The following ATP1B4 variants were observed in gnomAD, a reference collection of about 807,000 sequenced individuals.
The protein encoded by ATP1B4 is protein ATP1B4.
Under a neutral mutation model 29.6 loss-of-function variants are expected in ATP1B4, and 32 were observed. That is an observed-to-expected ratio of 1.08 (90% CI 0.82 to 1.45). ATP1B4 has a LOEUF of 1.45. Among genes scored for constraint, ATP1B4 ranks in the 40% most tolerant of loss-of-function variants. ATP1B4 has a pLI of 0.00. For synonymous variants in ATP1B4, 127 were observed against 102.1 expected (o/e 1.24, Z -1.47); for missense variants, 323 against 276.2 (o/e 1.17, Z -1.20).
chrX:120,375,477 A>T lies in ATP1B4; in HGVS notation c.668A>T (p.Lys223Met). 1 of 1,209,155 alleles carries T rather than the reference A, an allele frequency of 8.3e-7. No homozygotes were observed. Among genetic ancestry groups the T allele is most frequent in the East Asian group, 3.0e-5 (1 of 33,732 alleles). ...GAGGACAAGAAGGCCTGCCAATTTA[A>T]GCGCTCCTTCCTAAAGAACTGCTCT... ...EDEDKKACQFKRSFLKNCSGL... is the reference protein window; with the variant it reads ...EDEDKKACQFMRSFLKNCSGL... The change falls in exon 5 of 8, where the codon AAG becomes ATG. Residue 223 changes from lysine to methionine, a missense_variant. Transcript: ENST00000218008.
At chrX:120,375,854 G>A (rs1429676881) in intron 5 of ATP1B4, among the ~76,000 whole-genome samples, 2 of 110,340 alleles carry the variant, frequency 1.8e-5, no homozygotes, top group Non-Finnish European at 3.8e-5. Flanking sequence ...TATAATCCAA[G>A]CTACTCGGGA....
intron 3 of ATP1B4, 110 bp from the exon 4 acceptor site, chrX:120,370,996 A>G: frequency 9.7e-7 from 1 of 1,029,518 alleles, no homozygotes; most frequent in Non-Finnish European, 1.3e-6. Flanking sequence ...TTGGCAAATT[A>G]TGGTTCTTTT....
chrX:120,366,614 GGAGGAGGAGGAAGAA>G lies in ATP1B4; in HGVS notation c.163_177del (p.Glu55_Glu59del), dbSNP rs753840446. 2.8e-5 allele frequency: 33 copies of G among 1,199,690 alleles called. No homozygotes were observed. Among genetic ancestry groups the G allele is most frequent in the East Asian group, 5.9e-5 (2 of 33,687 alleles). ...CTCGGGTGACGGTGGTGCCCAAATC[GGAGGAGGAGGAAGAA>G]GAGGAGGAGAAAGAAGAGGAGGAAG... On this transcript the variant is annotated inframe_deletion, in exon 2 of 8. Transcript: ENST00000218008.
At position 120,371,229 on chromosome X, in the gene ATP1B4, A is replaced by G; in HGVS notation, c.562+19A>G. ...CTCCAGGGTAAGTAAGTTCGTCTGA[A>G]TAGTGGAAAGCTCTTTTGAAAGGTG... On this transcript the variant is annotated intron_variant, in intron 4 of 7. Transcript: ENST00000218008. 1 of 1,148,638 alleles carries G rather than the reference A, an allele frequency of 8.7e-7. No homozygotes were observed. The highest frequency in any genetic ancestry group is 1.2e-6 in the Non-Finnish European group (1 of 838,752). The allele number at this position is 1,148,638 out of a possible 1,213,427, so 94.7% of individuals were successfully genotyped here.
Position 120,377,003 on chromosome X carries a change from C to G in ATP1B4, c.816+567C>G, listed in dbSNP as rs751711649. 2.7e-5 allele frequency among the ~76,000 whole-genome samples: 3 copies of G among 112,001 alleles called. No individual in the cohort carries two copies. In the East Asian group the frequency reaches 8.4e-4, roughly 31 times the overall value. ...TATCTCATCTGCACCAATTAGCTCCCTTGTAGGAAAAAGCCCTTAGATCTT... is the reference window on the plus strand; with the variant it reads ...TATCTCATCTGCACCAATTAGCTCCGTTGTAGGAAAAAGCCCTTAGATCTT... On this transcript the variant is annotated intron_variant, in intron 6 of 7. Coordinates refer to ENST00000218008, the MANE Select transcript of ATP1B4 (RefSeq NM_001142447.3).
At chrX:120,370,912 A>T in intron 3 of ATP1B4, 69 bp downstream of exon 3, 1 of 1,149,096 alleles carries the variant, frequency 8.7e-7, no homozygotes. Context: ...CAGCATGTTC[A>T]GCCTCAATTA....
intron 6 of ATP1B4, among the ~76,000 whole-genome samples, chrX:120,378,289 G>T (rs2058366242): frequency 1.8e-5 from 2 of 111,618 alleles, no homozygotes; most frequent in African/African-American, 6.5e-5. Context: ...CCAAGACTGG[G>T]TGCCAGGCCC....
At chrX:120,364,329 C>G (rs1318728702) in intron 1 of ATP1B4, among the ~76,000 whole-genome samples, 1 of 111,898 alleles carries the variant, frequency 8.9e-6, no homozygotes, top group Non-Finnish European at 1.9e-5. Context: ...AGTAGATTCT[C>G]TGGGGGCCAT....
At chrX:120,374,297 CA>C (rs1255747137) in intron 4 of ATP1B4, among the ~76,000 whole-genome samples, 5 of 107,685 alleles carry the variant, frequency 4.6e-5, no homozygotes, top group Non-Finnish European at 7.7e-5. Context: ...CCTCTGGATC[CA>C]TTGCCAGGTC....
intron 5 of ATP1B4, among the ~76,000 whole-genome samples, chrX:120,375,898 T>A (rs994497537): frequency 9.1e-6 from 1 of 110,385 alleles, no homozygotes; most frequent in Non-Finnish European, 1.9e-5. Flanking sequence ...AGCTTAGGAG[T>A]TCAAGTTTAA....
At chrX:120,362,270 C>A in intron 1 of ATP1B4, 39 bp downstream of exon 1, 1 of 1,149,469 alleles carries the variant, frequency 8.7e-7, no homozygotes, top group Non-Finnish European at 1.2e-6. Context: ...TGCCCCCTCC[C>A]CTTTTATTTT....
intron 7 of ATP1B4, 34 bp downstream of exon 7, chrX:120,378,807 A>G: frequency 8.8e-7 from 1 of 1,134,625 alleles, no homozygotes. Flanking sequence ...TTGCTGTCAG[A>G]AAGGGCTCAG....
intron 1 of ATP1B4, among the ~76,000 whole-genome samples, chrX:120,363,652 TA>T (rs2058273091): frequency 8.9e-6 from 1 of 112,041 alleles, no homozygotes. Context: ...TATATTTGTT[TA>T]TATGTTTATA....
At position 120,362,290 on chromosome X, in the gene ATP1B4, G is replaced by A; in HGVS notation, c.63+59G>A. The A allele has an allele frequency of 4.7e-6, 5 of 1,070,807 alleles. No individual in the cohort carries two copies. The South Asian group carries it at 9.3e-5, about 20-fold the overall frequency. 88.2% of individuals were successfully genotyped at this position (1,070,807 alleles called of 1,213,427 possible). A position where few individuals can be genotyped will look rare whatever the true frequency, so the allele number is the denominator to read the frequency against. On this transcript the variant is annotated intron_variant, in intron 1 of 7. Coordinates refer to ENST00000218008, the MANE Select transcript of ATP1B4 (RefSeq NM_001142447.3). ...CCTCCCCTTTTATTTTAATGGGGTG[G>A]GTTGGGGGCTGTGTAGACCTTGGTT...
In ATP1B4 at chrX:120,379,574, T is replaced by C. The variant is rs755721136; in HGVS notation, c.1014T>C (p.Asn338=). 14 of 1,209,610 alleles carry C rather than the reference T, an allele frequency of 1.2e-5. No homozygotes were observed. The East Asian group carries it at 4.2e-4, about 36-fold the overall frequency. ...QCQLKGKGVI[N]DVINDRFVGR... ...AACTGAAGGGCAAAGGCGTCATAAA[T>C]GATGTCATCAATGATCGTTTTGTGG... Residue 338 remains asparagine, a synonymous_variant, in exon 8 of 8, where the codon AAT becomes AAC. Coordinates refer to ENST00000218008, the MANE Select transcript of ATP1B4 (RefSeq NM_001142447.3).
intron 6 of ATP1B4, among the ~76,000 whole-genome samples, chrX:120,378,215 G>A (rs1478225250): frequency 8.9e-6 from 1 of 111,737 alleles, no homozygotes; most frequent in African/African-American, 3.3e-5. Context: ...AGCCTGCAGT[G>A]TGCAAATCGT....
intron 5 of ATP1B4, among the ~76,000 whole-genome samples, chrX:120,375,913 G>A (rs1892517500): frequency 9.0e-6 from 1 of 110,620 alleles, no homozygotes; most frequent in Non-Finnish European, 1.9e-5. Context: ...GTTTAACTTG[G>A]GCAACATAGT....
In ATP1B4 at chrX:120,366,801, T is replaced by C. The variant is rs368701408; in HGVS notation, c.328+12T>C. 5.8e-6 allele frequency: 7 copies of C among 1,200,180 alleles called. No homozygotes were observed. In the African/African-American group the frequency reaches 1.2e-4, roughly 21 times the overall value. ...AGGTCAGAGTTGGAGTAAGTCCCAA[T>C]AGTCCCAATGCCAAAGTCTGGTGTC... On this transcript the variant is annotated intron_variant, in intron 2 of 7. Transcript: ENST00000218008.
At chrX:120,376,017 G>C (rs1299053234) in intron 5 of ATP1B4, among the ~76,000 whole-genome samples, 4 of 111,450 alleles carry the variant, frequency 3.6e-5, no homozygotes, top group Non-Finnish European at 5.7e-5. Flanking sequence ...GGGTGGCATG[G>C]GGGACAGTTC....
Sources: gnomAD v4.1 joint callset for allele counts (sites outside exome capture counted in the v4.1 genomes callset) on GRCh38, gnomAD v4.1.1 for gene constraint, MANE v1.5 for transcripts, NCBI Gene and HGNC (gene_info 2026-07-23, HGNC 2026-07-21) for gene names.